Variants in LRRK2 observed in about 807,000 individuals in gnomAD.
LRRK2 encodes the protein leucine-rich repeat serine/threonine-protein kinase 2.
LRRK2 carries 203 observed loss-of-function variants against 302.6 expected under a neutral mutation model. That is an observed-to-expected ratio of 0.67 (90% CI 0.60 to 0.75). LRRK2 has a LOEUF of 0.75. Ranked by LOEUF, LRRK2 falls within the 30% of genes least tolerant of loss-of-function variation. The probability of loss-of-function intolerance (pLI) is 0.00; values close to 1 mark genes in which losing one functional copy is unlikely to be tolerated. For missense variants in LRRK2, 2,830 were observed against 2,951.0 expected, an observed-to-expected ratio of 0.96 and a Z score of 0.95; for synonymous variants, 1,066 against 1,031.9, an observed-to-expected ratio of 1.03 and a Z score of -0.63.
intron 43 of LRRK2, among the ~76,000 whole-genome samples, chr12:40,350,211 C>CT: frequency 6.6e-6 from 1 of 152,190 alleles, no homozygotes; most frequent in Non-Finnish European, 1.5e-5. Context: ...CTAAGACTGT[C>CT]TATCTTGGGA....
At chr12:40,282,724 G>T (rs189074400) in intron 18 of LRRK2, among the ~76,000 whole-genome samples, 1 of 152,196 alleles carries the variant, frequency 6.6e-6, no homozygotes, top group African/African-American at 2.4e-5. Flanking sequence ...GAGACTGGTG[G>T]GCATTTAATT....
intron 45 of LRRK2, among the ~76,000 whole-genome samples, chr12:40,355,761 C>T (rs1946516722): frequency 6.6e-6 from 1 of 152,008 alleles, no homozygotes; most frequent in South Asian, 2.1e-4. Flanking sequence ...CCAGACTGAT[C>T]TCAATCTCCT....
chr12:40,346,663 C>T, intron 41 of LRRK2, 90 bp from the exon 42 acceptor site: 2 of 1,198,770 alleles, frequency 1.7e-6, no homozygotes, highest in Admixed American at 1.9e-5. Flanking sequence ...TCCTGACTCT[C>T]TTATTTGGCA....
At chr12:40,287,590 T>C in intron 20 of LRRK2, 51 bp downstream of exon 20, 2 of 1,568,140 alleles carry the variant, frequency 1.3e-6, no homozygotes, top group Non-Finnish European at 1.7e-6. Flanking sequence ...CACACTGACA[T>C]TGAACAATAG....
intron 27 of LRRK2, among the ~76,000 whole-genome samples, chr12:40,305,190 A>G (rs1944773792): frequency 6.6e-6 from 1 of 152,182 alleles, no homozygotes; most frequent in African/African-American, 2.4e-5. Context: ...AAAAACCAAA[A>G]GAATTAAGTG....
At chr12:40,331,068 T>C (rs1028612979) in intron 39 of LRRK2, among the ~76,000 whole-genome samples, 2 of 152,204 alleles carry the variant, frequency 1.3e-5, no homozygotes, top group African/African-American at 4.8e-5. Flanking sequence ...TTATTGCTTT[T>C]TTCTCTGAGG....
chr12:40,237,867 A>C, intron 4 of LRRK2, 102 bp from the exon 5 acceptor site: 1 of 1,283,774 alleles, frequency 7.8e-7, no homozygotes, highest in Non-Finnish European at 1.1e-6. Flanking sequence ...TGGGTCTACA[A>C]ACCATTCACA....
chr12:40,237,933 C>T lies in LRRK2; in HGVS notation c.437-36C>T, dbSNP rs539054164. On this transcript the variant is annotated intron_variant, in intron 4 of 50. Coordinates refer to ENST00000298910, the MANE Select transcript of LRRK2 (RefSeq NM_198578.4). ...ATTAACACATTAAATGTTAAAGCAGCTCTTTACTCAGAGCATATTATTCTC... is the reference window on the plus strand; with the variant it reads ...ATTAACACATTAAATGTTAAAGCAGTTCTTTACTCAGAGCATATTATTCTC... 41 of 1,595,940 alleles carry T rather than the reference C, an allele frequency of 2.6e-5. 1 individual carries two copies. In the South Asian group the frequency reaches 4.2e-4, roughly 16 times the overall value.
At chr12:40,279,646 A>G (rs1943604518) in intron 18 of LRRK2, among the ~76,000 whole-genome samples, 1 of 152,214 alleles carries the variant, frequency 6.6e-6, no homozygotes. Flanking sequence ...CAACTGTACT[A>G]CATTCCCCAC....
chr12:40,295,282 A>C, intron 22 of LRRK2, 145 bp from the exon 23 acceptor site: 1 of 706,404 alleles, frequency 1.4e-6, no homozygotes, highest in Non-Finnish European at 2.4e-6. Context: ...CTGCCACTGG[A>C]ATGTAAACTC....
At chr12:40,308,163 A>G (rs1944901646) in intron 28 of LRRK2, among the ~76,000 whole-genome samples, 1 of 152,150 alleles carries the variant, frequency 6.6e-6, no homozygotes, top group Non-Finnish European at 1.5e-5. Context: ...ATAGAGGTAT[A>G]TATATATTGC....
chr12:40,250,925 T>C (rs1329547393), intron 8 of LRRK2, among the ~76,000 whole-genome samples: 1 of 152,176 alleles, frequency 6.6e-6, no homozygotes, highest in Non-Finnish European at 1.5e-5. Flanking sequence ...GCATTTGGGT[T>C]GATTCCATGT....
At position 40,287,231 on chromosome 12, in the gene LRRK2, G is replaced by C. The variant is rs1304832024; in HGVS notation, c.2501-120G>C. 3.9e-5 allele frequency: 35 copies of C among 892,362 alleles called. No individual in the cohort carries two copies. In the South Asian group the frequency reaches 5.2e-4, roughly 13 times the overall value. 55.3% of individuals were successfully genotyped at this position (892,362 alleles called of 1,614,324 possible). A position where few individuals can be genotyped will look rare whatever the true frequency, so the allele number is the denominator to read the frequency against. On this transcript the variant is annotated intron_variant, in intron 19 of 50. Coordinates refer to ENST00000298910, the MANE Select transcript of LRRK2 (RefSeq NM_198578.4). ...AGGATCACTAGTGTAAGGTGACTTT[G>C]AAAGGAAAAATAGAAATATTCTCCA...
Position 40,256,296 on chromosome 12 carries a change from A to G in LRRK2, c.1289-952A>G, listed in dbSNP as rs189798963. 2.5e-3 allele frequency among the ~76,000 whole-genome samples: 383 copies of G among 152,214 alleles called. 2 individuals carry two copies. Among genetic ancestry groups the G allele is most frequent in the African/African-American group, 8.4e-3 (350 of 41,532 alleles). On this transcript the variant is annotated intron_variant, in intron 11 of 50. Coordinates refer to ENST00000298910, the MANE Select transcript of LRRK2 (RefSeq NM_198578.4). Reference sequence around the variant, plus strand: ...ATCCCCTCTCTACAAAATATTAACAAAAATTAGCCAGGCATGGTGGCACAC... The same window carrying G: ...ATCCCCTCTCTACAAAATATTAACAGAAATTAGCCAGGCATGGTGGCACAC...
intron 25 of LRRK2, chr12:40,300,845 C>G (rs1488537317): frequency 2.1e-6 from 1 of 471,152 alleles, no homozygotes; most frequent in Non-Finnish European, 4.4e-6. Context: ...TCAGGGGAAT[C>G]TGATTCAGAC....
In LRRK2 at chr12:40,308,617, C is replaced by T; in HGVS notation, c.4110C>T (p.Gly1370=). 6.2e-7 allele frequency: 1 copy of T among 1,613,976 alleles called. No individual in the cohort carries two copies. The highest frequency in any genetic ancestry group is 8.5e-7 in the Non-Finnish European group (1 of 1,179,946). The part of the protein sequence containing the change: ...SDLGMQSATV[G]IDVKDWPIQI... ...TTGGAATGCAAAGTGCCACAGTTGGCATAGATGTGAAAGACTGGCCTATCC... is the reference window on the plus strand; with the variant it reads ...TTGGAATGCAAAGTGCCACAGTTGGTATAGATGTGAAAGACTGGCCTATCC... The change falls in exon 29 of 51, where the codon GGC becomes GGT. Residue 1370 remains glycine (G), a synonymous_variant. Transcript: ENST00000298910.
chr12:40,298,284 A>G lies in LRRK2; in HGVS notation c.3138A>G (p.Lys1046=). ...CACATTTGGACTTGCACAGTAATAAATTTACATCATTTCCTTCTTATTTGT... is the reference window on the plus strand; with the variant it reads ...CACATTTGGACTTGCACAGTAATAAGTTTACATCATTTCCTTCTTATTTGT... The part of the protein sequence containing the change: ...SLTHLDLHSN[K]FTSFPSYLLK... The change falls in exon 24 of 51, where the codon AAA becomes AAG. Residue 1046 remains lysine (K), a synonymous_variant. Coordinates refer to ENST00000298910, the MANE Select transcript of LRRK2 (RefSeq NM_198578.4). 6.2e-7 allele frequency: 1 copy of G among 1,613,736 alleles called. No homozygotes were observed. Among genetic ancestry groups the G allele is most frequent in the Non-Finnish European group, 8.5e-7 (1 of 1,179,836 alleles).
At chr12:40,293,716 C>A in intron 21 of LRRK2, 53 bp downstream of exon 21, 1 of 1,194,130 alleles carries the variant, frequency 8.4e-7, no homozygotes, top group Non-Finnish European at 1.2e-6. Context: ...CTGACATTCT[C>A]TTGATAACTA....
At chr12:40,279,212 A>G (rs989413522) in intron 18 of LRRK2, among the ~76,000 whole-genome samples, 5 of 150,020 alleles carry the variant, frequency 3.3e-5, no homozygotes, top group African/African-American at 9.8e-5. Flanking sequence ...ATGTTTGCCA[A>G]TAGTTTACTT....
Sources: allele counts gnomAD v4.1 joint callset (sites outside exome capture counted in the v4.1 genomes callset), GRCh38; gene constraint gnomAD v4.1.1; transcripts MANE v1.5; gene names NCBI Gene and HGNC (gene_info 2026-07-23, HGNC 2026-07-21).